The following METTL26 variants were observed in gnomAD, a reference collection of about 807,000 sequenced individuals.
METTL26 encodes the protein methyltransferase-like 26.
In METTL26, 28 loss-of-function variants were observed where a neutral mutation model predicts 24.7. The observed-to-expected ratio is 1.13, with a 90% CI of 0.84 to 1.55. METTL26 has a LOEUF of 1.55. Among genes scored for constraint, METTL26 ranks in the 40% most tolerant of loss-of-function variants. The probability of loss-of-function intolerance (pLI) is 0.00; values close to 1 mark genes in which losing one functional copy is unlikely to be tolerated. For synonymous variants in METTL26, 165 were observed against 125.2 expected (o/e 1.32, Z -2.12); for missense variants, 344 against 281.2 (o/e 1.22, Z -1.60).
In METTL26 at chr16:636,096, G is replaced by A; in HGVS notation, c.195C>T (p.Asp65=). 1 of 1,407,164 alleles carries A rather than the reference G, an allele frequency of 7.1e-7. No individual in the cohort carries two copies. The highest frequency in any genetic ancestry group is 1.5e-5 in the South Asian group (1 of 64,710). 87.2% of individuals were successfully genotyped at this position (1,407,164 alleles called of 1,614,324 possible). The change falls in exon 1 of 6, where the codon GAC becomes GAT. Residue 65 remains aspartate (D), a splice_region_variant and synonymous_variant. Coordinates refer to ENST00000301686, the MANE Select transcript of METTL26 (RefSeq NM_032366.5). ...QPSDVDQRCL[D]SIAATTQAQG... ...AGTGGCCGCCCCGGGGGCCGCACCT[G>A]TCCAGGCAGCGCTGGTCCACGTCCG...
rs748362026 is a variant in METTL26, at chr16:634,927, G to C, written c.450C>G (p.Pro150=). ...GPYAINGKIS[P]QSNVDFDLML... ...TCAGGTCAAAGTCCACGTTGCTCTG[G>C]GGGGAGATCTTCCCATTGATGGCAT... Residue 150 remains proline, a synonymous_variant, in exon 4 of 6, where the codon CCC becomes CCG. Transcript: ENST00000301686. The C allele has an allele frequency of 6.2e-7, 1 of 1,606,640 alleles. No individual in the cohort carries two copies. Among genetic ancestry groups the C allele is most frequent in the East Asian group, 2.2e-5 (1 of 44,678 alleles).
chr16:636,011 C>A, intron 1 of METTL26, 83 bp downstream of exon 1: 1 of 1,445,396 alleles, frequency 6.9e-7, no homozygotes, highest in Non-Finnish European at 9.1e-7. Flanking sequence ...GAGCCGCATC[C>A]TTTTCCTCCG....
Position 636,237 on chromosome 16 carries a change from C to A in METTL26, c.54G>T (p.Leu18=). ...ERNKDPILHV[L]RQYLDPAQRG... Reference sequence around the variant, plus strand: ...GCTGGGCCGGATCCAGGTACTGCCGCAGCACGTGCAAGATGGGATCCTTGT... The same window carrying A: ...GCTGGGCCGGATCCAGGTACTGCCGAAGCACGTGCAAGATGGGATCCTTGT... Residue 18 remains leucine (L), a synonymous_variant, in exon 1 of 6, where the codon CTG becomes CTT. Transcript: ENST00000301686. 6.7e-7 allele frequency: 1 copy of A among 1,492,480 alleles called. No homozygotes were observed. The highest frequency in any genetic ancestry group is 1.5e-5 in the African/African-American group (1 of 68,166). 92.5% of individuals were successfully genotyped at this position (1,492,480 alleles called of 1,614,324 possible).
chr16:635,704 CCCA>C lies in METTL26; in HGVS notation c.265_267del (p.Trp89del). On this transcript the variant is annotated inframe_deletion, in exon 2 of 6. Coordinates refer to ENST00000301686, the MANE Select transcript of METTL26 (RefSeq NM_032366.5). ...AGGATCCCGCCCCAGTGCTCCCAGCCCCACGTCACGTCCAGGTGTAGCGGGGCC... is the reference window on the plus strand; with the variant it reads ...AGGATCCCGCCCCAGTGCTCCCAGCCCGTCACGTCCAGGTGTAGCGGGGCC... 6.4e-7 allele frequency: 1 copy of C among 1,566,558 alleles called. No homozygotes were observed. Among genetic ancestry groups the C allele is most frequent in the Non-Finnish European group, 8.6e-7 (1 of 1,156,830 alleles).
In METTL26 at chr16:634,467, C is replaced by G; in HGVS notation, c.*130G>C. ...CATGCTTTATTCTGAGCAGGCTGGGCCCTTCGGCCAGCGGCTGAGAGCACA... is the reference window on the plus strand; with the variant it reads ...CATGCTTTATTCTGAGCAGGCTGGGGCCTTCGGCCAGCGGCTGAGAGCACA... On this transcript the variant is annotated 3_prime_UTR_variant, in exon 6 of 6. Transcript: ENST00000301686. 1 of 1,548,102 alleles carries G rather than the reference C, an allele frequency of 6.5e-7. No individual in the cohort carries two copies.
chr16:635,030 G>A, intron 3 of METTL26, 74 bp from the exon 4 acceptor site: 1 of 1,538,256 alleles, frequency 6.5e-7, no homozygotes, highest in Non-Finnish European at 8.7e-7. Context: ...AGACTTGCAG[G>A]CTGGGGTTTG....
Position 634,624 on chromosome 16 carries a change from G to A in METTL26, c.588C>T (p.Asn196=), listed in dbSNP as rs942950401. ...LERMVDMPAN[N]KCLIFRKN is the part of the protein sequence containing the mutation. The stretch of plus-strand genomic sequence containing the variant: ...AGTTTTTCCGGAAGATCAGGCATTT[G>A]TTGTTGGCTGGCATGTCCACCTGGA... The change falls in exon 6 of 6, where the codon AAC becomes AAT. Residue 196 remains asparagine, a synonymous_variant. Coordinates refer to ENST00000301686, the MANE Select transcript of METTL26 (RefSeq NM_032366.5). 3.1e-6 allele frequency: 5 copies of A among 1,613,354 alleles called. No individual in the cohort carries two copies. Among genetic ancestry groups the A allele is most frequent in the Non-Finnish European group, 4.2e-6 (5 of 1,179,986 alleles).
rs766321237 is a variant in METTL26, at chr16:635,629, G to A, written c.343C>T (p.Pro115Ser). 1.7e-5 allele frequency: 26 copies of A among 1,549,810 alleles called. No individual in the cohort carries two copies. Among genetic ancestry groups the A allele is most frequent in the Non-Finnish European group, 2.3e-5 (26 of 1,146,966 alleles). Residue 115 changes from proline to serine, a missense_variant, in exon 2 of 6, where the codon CCC becomes TCC. Pro to Ser is a moderately conservative substitution (Grantham distance 74). Transcript: ENST00000301686. ...CCACAGACCTCCGTGCAGCGCAGGG[G>A]GCTGACATGGGCCATGTTGATGCAG... is the stretch of plus-strand genomic sequence containing the variant. ...LLCINMAHVS[P>S]LRCTEGLFRA...
In METTL26 at chr16:634,931, G is replaced by T. The variant is rs1469540949; in HGVS notation, c.446C>A (p.Ser149Tyr). ...YGPYAINGKI[S>Y]PQSNVDFDLM... ...GTCAAAGTCCACGTTGCTCTGGGGG[G>T]AGATCTTCCCATTGATGGCATAGGG... The change falls in exon 4 of 6, where the codon TCC becomes TAC. Residue 149 changes from serine to tyrosine, a missense_variant. Coordinates refer to ENST00000301686, the MANE Select transcript of METTL26 (RefSeq NM_032366.5). 6.2e-7 allele frequency: 1 copy of T among 1,606,514 alleles called. No homozygotes were observed. The highest frequency in any genetic ancestry group is 8.5e-7 in the Non-Finnish European group (1 of 1,176,926).
chr16:634,896 T>A lies in METTL26; in HGVS notation c.481A>T (p.Arg161Ter). 1.2e-6 allele frequency: 2 copies of A among 1,602,666 alleles called. No individual in the cohort carries two copies. The highest frequency in any genetic ancestry group is 1.7e-6 in the Non-Finnish European group (2 of 1,174,962). Residue 161 changes from arginine (R) to a stop codon, truncating the protein, a stop_gained, in exon 4 of 6, where the codon AGA (arginine) becomes TGA (stop). Transcript: ENST00000301686. LOFTEE classifies it high-confidence loss of function. ...QSNVDFDLML[R>*]CRNPEWGLRD... ...CCCGCCTCTAGCTCTGACCTGCATC[T>A]GAGCATCAGGTCAAAGTCCACGTTG...
chr16:634,705 G>A lies in METTL26; in HGVS notation c.567+14C>T, dbSNP rs765960949. The A allele has an allele frequency of 3.6e-5, 58 of 1,612,728 alleles. No homozygotes were observed. The highest frequency in any genetic ancestry group is 5.0e-5 in the Admixed American group (3 of 59,994). On this transcript the variant is annotated intron_variant, in intron 5 of 5. Transcript: ENST00000301686. Reference sequence around the variant, plus strand: ...CCCTAGAGAGGTTGCCTGGGCCCCCGCTCCCCCACCTACCATCCTCTCCAG... The same window carrying A: ...CCCTAGAGAGGTTGCCTGGGCCCCCACTCCCCCACCTACCATCCTCTCCAG...
In METTL26 at chr16:636,136, G is replaced by T; in HGVS notation, c.155C>A (p.Ala52Asp). The change falls in exon 1 of 6, where the codon GCC (alanine) becomes GAC (aspartate). Residue 52 changes from alanine to aspartate, a missense_variant. By Grantham distance (126) the Ala-to-Asp change is moderately radical. Transcript: ENST00000301686. ...GTCCACGTCCGACGGCTGCCACTCGGCCAGGGGGAAGGCCCGCGCGAAGTG... is the reference window on the plus strand; with the variant it reads ...GTCCACGTCCGACGGCTGCCACTCGTCCAGGGGGAAGGCCCGCGCGAAGTG... ...AAHFARAFPL[A>D]EWQPSDVDQR... is the part of the protein sequence containing the mutation. 6.9e-7 allele frequency: 1 copy of T among 1,439,824 alleles called. No individual in the cohort carries two copies. The highest frequency in any genetic ancestry group is 9.1e-7 in the Non-Finnish European group (1 of 1,103,118). The allele number at this position is 1,439,824 out of a possible 1,614,324, so 89.2% of individuals were successfully genotyped here.
In METTL26 at chr16:634,910, A is replaced by T; in HGVS notation, c.467T>A (p.Phe156Tyr). The change falls in exon 4 of 6, where the codon TTT (phenylalanine) becomes TAT (tyrosine). Residue 156 changes from phenylalanine to tyrosine, a missense_variant. Coordinates refer to ENST00000301686, the MANE Select transcript of METTL26 (RefSeq NM_032366.5). ...GKISPQSNVD[F>Y]DLMLRCRNPE... Reference sequence around the variant, plus strand: ...TGACCTGCATCTGAGCATCAGGTCAAAGTCCACGTTGCTCTGGGGGGAGAT... The same window carrying T: ...TGACCTGCATCTGAGCATCAGGTCATAGTCCACGTTGCTCTGGGGGGAGAT... The T allele has an allele frequency of 7.5e-6, 12 of 1,605,640 alleles. No homozygotes were observed. Among genetic ancestry groups the T allele is most frequent in the Non-Finnish European group, 1.0e-5 (12 of 1,176,514 alleles).
Position 635,735 on chromosome 16 carries a change from C to A in METTL26, c.237G>T (p.Val79=). 4 of 1,578,392 alleles carry A rather than the reference C, an allele frequency of 2.5e-6. No individual in the cohort carries two copies. The highest frequency in any genetic ancestry group is 3.4e-6 in the Non-Finnish European group (4 of 1,163,396). Residue 79 remains valine (V), a synonymous_variant, in exon 2 of 6, where the codon GTG becomes GTT. Transcript: ENST00000301686. ...ATTQAQGLTN[V]KAPLHLDVTW... ...TCACGTCCAGGTGTAGCGGGGCCTT[C>A]ACGTTGGTCAGGCCCTGGGCTTGCG...
chr16:635,317 G>C lies in METTL26; in HGVS notation c.384C>G (p.His128Gln). 6.3e-7 allele frequency: 1 copy of C among 1,599,904 alleles called. No homozygotes were observed. Among genetic ancestry groups the C allele is most frequent in the East Asian group, 2.3e-5 (1 of 44,360 alleles). Residue 128 changes from histidine (H) to glutamine (Q), a missense_variant, in exon 3 of 6, where the codon CAC becomes CAG. By Grantham distance (24) the His-to-Gln change is conservative. Transcript: ENST00000301686. ...TGAGCAGGGCCCTGGGTTTGAGCAG[G>C]TGTCCTGCTGCTCTGAAGAGCCCCT... is the stretch of plus-strand genomic sequence containing the variant. ...CTEGLFRAAG[H>Q]LLKPRALLIT...
chr16:636,092 A>C lies in METTL26; in HGVS notation c.197+2T>G. The C allele has an allele frequency of 8.5e-6, 12 of 1,406,792 alleles. No homozygotes were observed. Among genetic ancestry groups the C allele is most frequent in the Non-Finnish European group, 1.1e-5 (12 of 1,087,952 alleles). The allele number at this position is 1,406,792 out of a possible 1,614,324, so 87.1% of individuals were successfully genotyped here. A position where few individuals can be genotyped will look rare whatever the true frequency, so the allele number is the denominator to read the frequency against. On this transcript the variant is annotated splice_donor_variant, in intron 1 of 5. Transcript: ENST00000301686. LOFTEE classifies it high-confidence loss of function. The stretch of plus-strand genomic sequence containing the variant: ...TAGAAGTGGCCGCCCCGGGGGCCGC[A>C]CCTGTCCAGGCAGCGCTGGTCCACG...
Position 635,026 on chromosome 16 carries a change from G to A in METTL26, c.421-70C>T, listed in dbSNP as rs1031325944. On this transcript the variant is annotated intron_variant, in intron 3 of 5. Coordinates refer to ENST00000301686, the MANE Select transcript of METTL26 (RefSeq NM_032366.5). Reference sequence around the variant, plus strand: ...TTCCCAGAGAGCCTGGGACAGACTTGCAGGCTGGGGTTTGGAGAATGAAAG... The same window carrying A: ...TTCCCAGAGAGCCTGGGACAGACTTACAGGCTGGGGTTTGGAGAATGAAAG... 3.9e-6 allele frequency: 6 copies of A among 1,540,222 alleles called. No homozygotes were observed. In the African/African-American group the frequency reaches 8.3e-5, roughly 21 times the overall value.
intron 1 of METTL26, 100 bp from the exon 2 acceptor site, chr16:635,874 G>A: frequency 7.0e-7 from 1 of 1,431,152 alleles, no homozygotes; most frequent in South Asian, 1.4e-5. Flanking sequence ...GCACGTTGAG[G>A]AGCGGAGACC....
chr16:634,915 C>CA lies in METTL26; in HGVS notation c.461dup (p.Asp155GlyfsTer3), dbSNP rs1567201481. The stretch of plus-strand genomic sequence containing the variant: ...TGCATCTGAGCATCAGGTCAAAGTC[C>CA]ACGTTGCTCTGGGGGGAGATCTTCC... On this transcript the variant is annotated frameshift_variant, in exon 4 of 6. Transcript: ENST00000301686. LOFTEE classifies it high-confidence loss of function. 6.2e-7 allele frequency: 1 copy of CA among 1,605,916 alleles called. No individual in the cohort carries two copies. Among genetic ancestry groups the CA allele is most frequent in the Admixed American group, 1.7e-5 (1 of 58,836 alleles).
Sources: gnomAD v4.1 joint callset for allele counts on GRCh38, gnomAD v4.1.1 for gene constraint, MANE v1.5 for transcripts, NCBI Gene and HGNC (gene_info 2026-07-23, HGNC 2026-07-21) for gene names.